The following DAPK2 variants were observed in gnomAD, a reference collection of about 807,000 sequenced individuals.
DAPK2 encodes death-associated protein kinase 2.
In DAPK2, 35 loss-of-function variants were observed where a neutral mutation model predicts 44.1. The ratio of observed to expected loss-of-function variants is 0.79; its 90% CI spans 0.61 to 1.05. The LOEUF (loss-of-function observed/expected upper bound fraction) is 1.05, where lower values mean the gene tolerates loss of function less well. Ranked by LOEUF, DAPK2 falls within the 50% of genes least tolerant of loss-of-function variation. The pLI is 0.00. For missense variants in DAPK2, 453 were observed against 483.2 expected, an observed-to-expected ratio of 0.94 and a Z score of 0.59; for synonymous variants, 174 against 182.6, an observed-to-expected ratio of 0.95 and a Z score of 0.38.
chr15:63,979,999 G>A (rs2078458269), intron 2 of DAPK2, among the ~76,000 whole-genome samples: 1 of 152,174 alleles, frequency 6.6e-6, no homozygotes, highest in Non-Finnish European at 1.5e-5. Flanking sequence ...CCATACATGG[G>A]TTAGGGACAG....
At chr15:64,019,577 G>A (rs2079626354) in intron 1 of DAPK2, among the ~76,000 whole-genome samples, 1 of 152,150 alleles carries the variant, frequency 6.6e-6, no homozygotes, top group Admixed American at 6.5e-5. Context: ...TAGACCATGA[G>A]GAAAACAGAA....
chr15:63,960,499 T>A (rs915944451), intron 3 of DAPK2, among the ~76,000 whole-genome samples: 67 of 125,368 alleles, frequency 5.3e-4, no homozygotes, highest in Non-Finnish European at 1.1e-3. Context: ...GTGCTATAAA[T>A]TTCCCTCTAC....
chr15:63,922,704 T>G, intron 8 of DAPK2: 2 of 1,490,792 alleles, frequency 1.3e-6, no homozygotes, highest in Non-Finnish European at 1.8e-6. Context: ...TGCAAACCTC[T>G]TGGGATGCAT....
In DAPK2 at chr15:63,990,440, G is replaced by GAA. The variant is rs1450448501; in HGVS notation, c.93-6688_93-6687dup. 6.7e-6 allele frequency among the ~76,000 whole-genome samples: 1 copy of GAA among 149,930 alleles called. No homozygotes were observed. Among genetic ancestry groups the GAA allele is most frequent in the African/African-American group, 2.5e-5 (1 of 40,734 alleles). Reference sequence around the variant, plus strand: ...AAGACTCCATCTAGAAAAAGAAAAAGAAAGGTCCATGGATTGAGTGGGTCT... The same window carrying GAA: ...AAGACTCCATCTAGAAAAAGAAAAAGAAAAAGGTCCATGGATTGAGTGGGTCT... On this transcript the variant is annotated intron_variant, in intron 1 of 10. Coordinates refer to ENST00000261891, the Ensembl canonical transcript of DAPK2. The surrounding 1 kb of genome is among the most constrained non-coding windows in gnomAD (Gnocchi z 4.3).
chr15:64,036,038 G>A (rs116069125), intron 1 of DAPK2, among the ~76,000 whole-genome samples: 1,844 of 151,888 alleles, frequency 0.012, 33 homozygotes, highest in African/African-American at 0.035. Flanking sequence ...TTTGGGGGGA[G>A]GATCACAAGG....
chr15:63,936,979 CAAAAA>C (rs56052031), intron 4 of DAPK2, among the ~76,000 whole-genome samples: 6,564 of 129,814 alleles, frequency 0.051, 454 homozygotes, highest in African/African-American at 0.17. Flanking sequence ...GACCCTGTCT[CAAAAA>C]AAAAAAAAAA....
chr15:64,028,425 G>A (rs1459504653), intron 1 of DAPK2, among the ~76,000 whole-genome samples: 1 of 152,146 alleles, frequency 6.6e-6, no homozygotes, highest in Non-Finnish European at 1.5e-5. Flanking sequence ...AAGAAAGACT[G>A]TTCCCAGTTA....
chr15:63,948,713 T>C (rs2077514213), intron 3 of DAPK2, among the ~76,000 whole-genome samples: 1 of 152,208 alleles, frequency 6.6e-6, no homozygotes, highest in African/African-American at 2.4e-5. Context: ...ACACGCAACC[T>C]AGAGGTCCGT....
intron 3 of DAPK2, among the ~76,000 whole-genome samples, chr15:63,952,341 C>T (rs997658920): frequency 6.6e-6 from 1 of 152,124 alleles, no homozygotes; most frequent in East Asian, 1.9e-4. Flanking sequence ...GAAAGTGTTC[C>T]GGAGGAAATG....
intron 1 of DAPK2, among the ~76,000 whole-genome samples, chr15:64,038,300 C>T (rs2141200909): frequency 6.6e-6 from 1 of 152,344 alleles, no homozygotes; most frequent in South Asian, 2.1e-4. Context: ...GCACAGACCC[C>T]TGCATGCAGG....
rs775806692 is a variant in DAPK2, at chr15:64,013,838, C to A, written c.92+26332G>T. 2.1e-4 allele frequency among the ~76,000 whole-genome samples: 32 copies of A among 152,202 alleles called. No individual in the cohort carries two copies. The highest frequency in any genetic ancestry group is 4.4e-4 in the Non-Finnish European group (30 of 68,040). Reference sequence around the variant, plus strand: ...AGTCCCTGTAAGTGGTCCAGCCTCACATGAATAAATCATGATGCCATTATG... The same window carrying A: ...AGTCCCTGTAAGTGGTCCAGCCTCAAATGAATAAATCATGATGCCATTATG... On this transcript the variant is annotated intron_variant, in intron 1 of 10. Transcript: ENST00000261891. This position sits in a 1 kb window ranked among gnomAD's most constrained non-coding sequence, Gnocchi z 4.7.
intron 3 of DAPK2, among the ~76,000 whole-genome samples, chr15:63,962,552 T>C (rs147284280): frequency 6.6e-6 from 1 of 152,378 alleles, no homozygotes; most frequent in East Asian, 1.9e-4. Flanking sequence ...TTTCTGTTTG[T>C]TAGTTTTCCT....
At chr15:63,956,531 T>G (rs2140576152) in intron 3 of DAPK2, among the ~76,000 whole-genome samples, 1 of 152,262 alleles carries the variant, frequency 6.6e-6, no homozygotes, top group Non-Finnish European at 1.5e-5. Flanking sequence ...TCCTCGTTAT[T>G]ATTTTTCAGT....
chr15:63,942,536 A>G (rs565770497), intron 3 of DAPK2, among the ~76,000 whole-genome samples: 185 of 152,022 alleles, frequency 1.2e-3, no homozygotes, highest in Non-Finnish European at 1.7e-3. Flanking sequence ...TGGGCGACAA[A>G]GTGAGACTCC....
chr15:64,003,290 G>A (rs1244724679), intron 1 of DAPK2, among the ~76,000 whole-genome samples: 1 of 152,186 alleles, frequency 6.6e-6, no homozygotes, highest in East Asian at 1.9e-4. Context: ...TTCAGCGGCT[G>A]AGTGAGGAAA....
intron 4 of DAPK2, chr15:63,932,576 A>G (rs140292583): frequency 6.6e-6 from 1 of 152,000 alleles, no homozygotes; most frequent in East Asian, 1.9e-4. Flanking sequence ...CACTTTTTAA[A>G]AGCTTGGAGA....
intron 1 of DAPK2, among the ~76,000 whole-genome samples, chr15:64,025,524 A>G (rs2079814011): frequency 6.6e-6 from 1 of 152,200 alleles, no homozygotes; most frequent in Admixed American, 6.5e-5. Flanking sequence ...CTCCTTTCCC[A>G]ACACTGCACC....
At chr15:64,030,770 T>C (rs1183161612) in intron 1 of DAPK2, among the ~76,000 whole-genome samples, 1 of 151,866 alleles carries the variant, frequency 6.6e-6, no homozygotes, top group African/African-American at 2.4e-5. Flanking sequence ...GAGGTCAAGA[T>C]CAGCCTGGGC....
intron 1 of DAPK2, among the ~76,000 whole-genome samples, chr15:64,033,330 A>T (rs1255082125): frequency 6.8e-6 from 1 of 147,360 alleles, no homozygotes; most frequent in Non-Finnish European, 1.5e-5. Flanking sequence ...GGAAGGAAAA[A>T]AAAAATAGCT....
Sources: gnomAD v4.1 joint callset for allele counts (sites outside exome capture counted in the v4.1 genomes callset) on GRCh38, gnomAD v4.1.1 for gene constraint, Gnocchi (gnomAD v3.1) non-coding constraint, MANE v1.5 for transcripts, NCBI Gene and HGNC (gene_info 2026-07-23, HGNC 2026-07-21) for gene names.